NOL10: variants seen among roughly 807,000 people sequenced by gnomAD.
The protein encoded by NOL10 is H_NH0074G24.1.
In NOL10, 58 loss-of-function variants were observed where a neutral mutation model predicts 103.5. The ratio of observed to expected loss-of-function variants is 0.56; its 90% confidence interval spans 0.45 to 0.70. NOL10 has a LOEUF of 0.70. NOL10 is among the 30% of genes least tolerant of loss of function. NOL10 has a pLI of 0.00. For missense variants in NOL10, 763 were observed against 807.3 expected (o/e 0.95, Z 0.67); for synonymous variants, 287 against 282.5 (o/e 1.02, Z -0.16).
chr2:10,589,230 C>T lies in NOL10; in HGVS notation c.1657G>A (p.Asp553Asn). The T allele has an allele frequency of 2.5e-6, 4 of 1,613,950 alleles. No individual in the cohort carries two copies. Among genetic ancestry groups the T allele is most frequent in the Non-Finnish European group, 3.4e-6 (4 of 1,179,876 alleles). ...SDAESSESSD[D>N]EKAWVEEVRK... ...ACCTCTTCAACCCAGGCTTTTTCAT[C>T]ATCTGAACTCTCCGAACTTTCTGCA... The change falls in exon 19 of 21, where the codon GAT becomes AAT. Residue 553 changes from aspartate (D) to asparagine (N), a missense_variant. Coordinates refer to ENST00000381685, the MANE Select transcript of NOL10 (RefSeq NM_024894.4).
intron 12 of NOL10, among the ~76,000 whole-genome samples, chr2:10,645,687 C>T (rs1364099780): frequency 6.6e-5 from 10 of 151,930 alleles, no homozygotes; most frequent in Admixed American, 3.9e-4. Flanking sequence ...GCGCCCACCA[C>T]GCCTGGCTAA....
intron 12 of NOL10, among the ~76,000 whole-genome samples, chr2:10,646,449 G>A (rs566092820): frequency 6.6e-6 from 1 of 152,130 alleles, no homozygotes; most frequent in East Asian, 1.9e-4. Flanking sequence ...AAAAATGGAG[G>A]AGGATCTCAC....
At chr2:10,593,373 G>C (rs1406307231) in intron 17 of NOL10, among the ~76,000 whole-genome samples, 1 of 152,050 alleles carries the variant, frequency 6.6e-6, no homozygotes, top group African/African-American at 2.4e-5. Context: ...TTCTGACCTG[G>C]TGATTCGCCT....
chr2:10,641,420 C>G (rs1302402760), intron 13 of NOL10, among the ~76,000 whole-genome samples: 1 of 151,778 alleles, frequency 6.6e-6, no homozygotes, highest in Non-Finnish European at 1.5e-5. Flanking sequence ...AACAATACAT[C>G]CAAATATTAA....
At chr2:10,619,820 C>T (rs1677032255) in intron 13 of NOL10, among the ~76,000 whole-genome samples, 1 of 152,212 alleles carries the variant, frequency 6.6e-6, no homozygotes, top group Non-Finnish European at 1.5e-5. Flanking sequence ...CGGCTACAAA[C>T]AGTCATTTGA....
intron 12 of NOL10, among the ~76,000 whole-genome samples, chr2:10,646,874 G>A (rs925074453): frequency 2.0e-5 from 3 of 152,168 alleles, no homozygotes; most frequent in Middle Eastern, 3.2e-3. Flanking sequence ...AAGTCAGTAT[G>A]AATACCACAT....
intron 20 of NOL10, among the ~76,000 whole-genome samples, chr2:10,573,063 C>CAA (rs113673930): frequency 0.18 from 26,317 of 145,476 alleles, 3,018 homozygotes; most frequent in East Asian, 0.35. Context: ...AGGTAAAGCT[C>CAA]AAAAAAAAAA....
At position 10,618,213 on chromosome 2, in the gene NOL10, A is replaced by G. The variant is rs192806589; in HGVS notation, c.1027-10902T>C. On this transcript the variant is annotated intron_variant, in intron 13 of 20. Coordinates refer to ENST00000381685, the MANE Select transcript of NOL10 (RefSeq NM_024894.4). ...ACTTTAAAAGGATAAACTTCATGGT[A>G]TGTGTATTATGTCTTTAAAAAGCTG... 1.7e-3 allele frequency among the ~76,000 whole-genome samples: 247 copies of G among 145,178 alleles called. 2 individuals carry two copies. Among genetic ancestry groups the G allele is most frequent in the African/African-American group, 6.3e-3 (239 of 38,186 alleles).
intron 13 of NOL10, among the ~76,000 whole-genome samples, chr2:10,609,446 A>AG (rs1159788464): frequency 1.1e-4 from 16 of 151,340 alleles, no homozygotes; most frequent in Non-Finnish European, 1.6e-4. Context: ...AAAAAAAAAA[A>AG]AAAAAAAATC....
At chr2:10,617,697 GTAAAAAC>G (rs1394143676) in intron 13 of NOL10, among the ~76,000 whole-genome samples, 1 of 152,146 alleles carries the variant, frequency 6.6e-6, no homozygotes, top group East Asian at 1.9e-4. Context: ...ACTGGACTTA[GTAAAAAC>G]TGGATAATGA....
rs1219093390 is a variant in NOL10, at chr2:10,657,794, T to G, written c.854A>C (p.Asp285Ala). Reference sequence around the variant, plus strand: ...TCGAGAGTCAGCAGACAAAATCAGATCTAATGAATCCTGGAAATGAACGGA... The same window carrying G: ...TCGAGAGTCAGCAGACAAAATCAGAGCTAATGAATCCTGGAAATGAACGGA... ...IKSVHFQDSL[D>A]LILSADSRIV... is the part of the protein sequence containing the mutation. The change falls in exon 11 of 21, where the codon GAT becomes GCT. Residue 285 changes from aspartate (D) to alanine (A), a missense_variant. Coordinates refer to ENST00000381685, the MANE Select transcript of NOL10 (RefSeq NM_024894.4). The G allele has an allele frequency of 2.6e-6, 4 of 1,551,298 alleles. 1 individual carries two copies. In the Admixed American group the frequency reaches 5.9e-5, roughly 23 times the overall value.
intron 8 of NOL10, among the ~76,000 whole-genome samples, chr2:10,664,016 G>A (rs912181197): frequency 6.6e-6 from 1 of 151,988 alleles, no homozygotes; most frequent in Non-Finnish European, 1.5e-5. Context: ...CACACACTAG[G>A]AGGCTGAGGC....
At chr2:10,664,643 C>T (rs1182471903) in intron 8 of NOL10, among the ~76,000 whole-genome samples, 1 of 152,148 alleles carries the variant, frequency 6.6e-6, no homozygotes, top group Non-Finnish European at 1.5e-5. Context: ...AGGCTCAATC[C>T]ATCCTCTCAC....
intron 13 of NOL10, among the ~76,000 whole-genome samples, chr2:10,616,539 C>G (rs11683335): frequency 0.59 from 89,341 of 150,160 alleles, 27,421 homozygotes; most frequent in African/African-American, 0.74. Context: ...ATTTTAGCAC[C>G]TCATTCTTCA....
At chr2:10,661,302 C>T (rs531509489) in intron 9 of NOL10, among the ~76,000 whole-genome samples, 2 of 146,940 alleles carry the variant, frequency 1.4e-5, no homozygotes, top group African/African-American at 2.5e-5. Flanking sequence ...CTCAAACTCC[C>T]GACCTCAGGT....
chr2:10,631,988 T>C (rs767079243), intron 13 of NOL10, among the ~76,000 whole-genome samples: 1 of 152,170 alleles, frequency 6.6e-6, no homozygotes, highest in African/African-American at 2.4e-5. Flanking sequence ...TGCCTTTCTA[T>C]ATTTTAATAG....
chr2:10,607,776 T>TATTA (rs1558286226), intron 13 of NOL10, among the ~76,000 whole-genome samples: 1 of 150,096 alleles, frequency 6.7e-6, no homozygotes. Flanking sequence ...TTATTATTAT[T>TATTA]TTGTAGAGAT....
chr2:10,679,093 C>T (rs1209764219), intron 3 of NOL10, among the ~76,000 whole-genome samples: 2 of 152,036 alleles, frequency 1.3e-5, no homozygotes, highest in African/African-American at 4.8e-5. Context: ...GGTGCGGTGG[C>T]TTACATCTGT....
intron 18 of NOL10, 33 bp from the exon 19 acceptor site, chr2:10,589,323 T>G: frequency 6.2e-7 from 1 of 1,609,130 alleles, no homozygotes; most frequent in Non-Finnish European, 8.5e-7. Flanking sequence ...GCAACTCCTT[T>G]CCCCCAGTCA....
Sources: gnomAD v4.1 joint callset for allele counts (sites outside exome capture counted in the v4.1 genomes callset) on GRCh38, gnomAD v4.1.1 for gene constraint, MANE v1.5 for transcripts, NCBI Gene and HGNC (gene_info 2026-07-23, HGNC 2026-07-21) for gene names.